Variants in SLC5A9 observed in about 807,000 individuals in gnomAD.
SLC5A9 encodes sodium/glucose cotransporter 4.
Under a neutral mutation model 70.9 loss-of-function variants are expected in SLC5A9, and 59 were observed. That is an observed-to-expected ratio of 0.83 (90% confidence interval 0.68 to 1.03). The LOEUF (loss-of-function observed/expected upper bound fraction) is 1.03, where lower values mean the gene tolerates loss of function less well. SLC5A9 is among the 50% of genes least tolerant of loss of function. The pLI is 0.00. For missense variants in SLC5A9, 832 were observed against 881.1 expected, an observed-to-expected ratio of 0.94 and a Z score of 0.71; for synonymous variants, 340 against 346.5, an observed-to-expected ratio of 0.98 and a Z score of 0.21.
At chr1:48,224,677 G>T in intron 1 of SLC5A9, 47 bp from the exon 2 acceptor site, 1 of 1,592,658 alleles carries the variant, frequency 6.3e-7, no homozygotes, top group Non-Finnish European at 8.6e-7. Flanking sequence ...CAGGGCAGAG[G>T]TTCAGAGAGT....
Position 48,237,864 on chromosome 1 carries a change from T to C in SLC5A9, c.1461+17T>C. 6.2e-7 allele frequency: 1 copy of C among 1,613,330 alleles called. No individual in the cohort carries two copies. Among genetic ancestry groups the C allele is most frequent in the South Asian group, 1.1e-5 (1 of 90,956 alleles). Reference sequence around the variant, plus strand: ...ACAGAGCCCGTGAGTGCAGTGTACCTGTCTCTCACATACAGCAGAGGGGCT... The same window carrying C: ...ACAGAGCCCGTGAGTGCAGTGTACCCGTCTCTCACATACAGCAGAGGGGCT... On this transcript the variant is annotated intron_variant, in intron 11 of 13. Transcript: ENST00000438567.
chr1:48,230,781 A>G, intron 5 of SLC5A9, 76 bp downstream of exon 5: 1 of 1,095,880 alleles, frequency 9.1e-7, no homozygotes, highest in Non-Finnish European at 1.4e-6. Flanking sequence ...AGGAGAGACA[A>G]CCAGAGAGAG....
At chr1:48,231,405 G>A (rs983575397) in intron 5 of SLC5A9, 140 bp from the exon 6 acceptor site, 3 of 1,043,438 alleles carry the variant, frequency 2.9e-6, no homozygotes, top group Non-Finnish European at 4.1e-6. Flanking sequence ...TAGGTGCGGA[G>A]AAAGGCAGTG....
chr1:48,233,188 C>T (rs1009684566), intron 8 of SLC5A9, among the ~76,000 whole-genome samples: 1 of 151,630 alleles, frequency 6.6e-6, no homozygotes, highest in African/African-American at 2.4e-5. Context: ...TGGTAAAACC[C>T]CGTCTCTACT....
rs756117312 is a variant in SLC5A9 at position 48,244,878 on chromosome 1, GTATATATATATA to G, written c.1837+2283_1837+2294del. Reference sequence around the variant, plus strand: ...TGTGTGTGTGTATGTATGTGTATGTGTATATATATATATATATATATATATATATATAAAACC... The same window carrying G: ...TGTGTGTGTGTATGTATGTGTATGTGTATATATATATATATATATAAAACC... On this transcript the variant is annotated intron_variant, in intron 13 of 13. Transcript: ENST00000438567. 8.3e-3 allele frequency among the ~76,000 whole-genome samples: 243 copies of G among 29,402 alleles called. 59 individuals are homozygous for G. In the East Asian group the frequency reaches 0.12, roughly 15 times the overall value. The allele number at this position is 29,402 out of a possible 152,430, so 19.3% of individuals were successfully genotyped here. A position where few individuals can be genotyped will look rare whatever the true frequency, so the allele number is the denominator to read the frequency against.
In SLC5A9 at chr1:48,237,847, C is replaced by G; in HGVS notation, c.1461C>G (p.Pro487=). ...LAIFCKRVTE[P]GAFWGLVFGL... Reference sequence around the variant, plus strand: ...TCTTCTGCAAGAGGGTCACAGAGCCCGTGAGTGCAGTGTACCTGTCTCTCA... The same window carrying G: ...TCTTCTGCAAGAGGGTCACAGAGCCGGTGAGTGCAGTGTACCTGTCTCTCA... The change falls in exon 11 of 14, where the codon CCC becomes CCG. Residue 487 remains proline (P), a splice_region_variant and synonymous_variant. Transcript: ENST00000438567. 2 of 1,613,964 alleles carry G rather than the reference C, an allele frequency of 1.2e-6. No individual in the cohort carries two copies. The highest frequency in any genetic ancestry group is 1.7e-6 in the Non-Finnish European group (2 of 1,179,950).
At chr1:48,232,697 A>G (rs2148574507) in intron 8 of SLC5A9, among the ~76,000 whole-genome samples, 195 bp downstream of exon 8, 1 of 152,160 alleles carries the variant, frequency 6.6e-6, no homozygotes, top group East Asian at 1.9e-4. Context: ...TCCTGAGTCC[A>G]GGAGCTTGAG....
At chr1:48,238,473 C>T (rs961267744) in intron 11 of SLC5A9, 4 of 152,282 alleles carry the variant, frequency 2.6e-5, no homozygotes, top group African/African-American at 9.7e-5. Context: ...AGCGGTACCC[C>T]AGGGCTGGAG....
In SLC5A9 at chr1:48,235,779, C is replaced by T; in HGVS notation, c.1192C>T (p.Leu398Phe). The T allele has an allele frequency of 6.2e-7, 1 of 1,614,230 alleles. No individual in the cohort carries two copies. The highest frequency in any genetic ancestry group is 8.5e-7 in the Non-Finnish European group (1 of 1,180,036). ...AVIMAALMSS[L>F]TSIFNSSSTL... ...GATCATGGCCGCTCTCATGAGCTCA[C>T]TCACCTCCATCTTCAACAGCAGCAG... The change falls in exon 10 of 14, where the codon CTC becomes TTC. Residue 398 changes from leucine to phenylalanine, a missense_variant. Transcript: ENST00000438567.
intron 12 of SLC5A9, 195 bp from the exon 13 acceptor site, chr1:48,242,262 T>C: frequency 1.6e-6 from 1 of 617,490 alleles, no homozygotes; most frequent in South Asian, 1.9e-5. Flanking sequence ...GAGCACCTGG[T>C]GTAGAGCAGG....
intron 13 of SLC5A9, among the ~76,000 whole-genome samples, chr1:48,244,719 T>C (rs1377845093): frequency 7.3e-6 from 1 of 136,998 alleles, no homozygotes; most frequent in Non-Finnish European, 1.5e-5. Context: ...CAAATATATA[T>C]ATATATAAAA....
intron 12 of SLC5A9, among the ~76,000 whole-genome samples, chr1:48,241,748 A>G (rs539256761): frequency 3.5e-5 from 5 of 144,616 alleles, no homozygotes; most frequent in Admixed American, 2.7e-4. Context: ...CTTTCTCTCT[A>G]TCTCTATCCC....
intron 13 of SLC5A9, among the ~76,000 whole-genome samples, chr1:48,244,122 AT>A (rs201001441): frequency 2.0e-5 from 3 of 152,180 alleles, no homozygotes; most frequent in Non-Finnish European, 2.9e-5. Flanking sequence ...AATCATTAAG[AT>A]TTTTTTTAAA....
intron 13 of SLC5A9, among the ~76,000 whole-genome samples, chr1:48,246,524 T>TA: frequency 6.6e-6 from 1 of 152,318 alleles, no homozygotes; most frequent in Non-Finnish European, 1.5e-5. Context: ...TGCTGATTTT[T>TA]AAAAAACTTA....
rs576956394 is a variant in SLC5A9 at position 48,230,586 on chromosome 1, C to T, written c.505-14C>T. On this transcript the variant is annotated splice_polypyrimidine_tract_variant and intron_variant, in intron 4 of 13. Transcript: ENST00000438567. ...CTCGGGTGGTCTGGCCTCTTGGGTC[C>T]TGGCTCTCTGCAGACTGACATCTTC... 6.2e-7 allele frequency: 1 copy of T among 1,610,616 alleles called. No individual in the cohort carries two copies. Among genetic ancestry groups the T allele is most frequent in the East Asian group, 2.2e-5 (1 of 44,828 alleles).
chr1:48,224,495 C>T lies in SLC5A9; in HGVS notation c.163-229C>T, dbSNP rs1016286777. The stretch of plus-strand genomic sequence containing the variant: ...GACATCCGTTACCTCCTTTGCTCTT[C>T]GCACTGGCCCTGGGAGATGAATGGC... On this transcript the variant is annotated intron_variant, in intron 1 of 13. Coordinates refer to ENST00000438567, the MANE Select transcript of SLC5A9 (RefSeq NM_001011547.3). Among the ~76,000 whole-genome samples, 6 of 152,216 alleles carry T rather than the reference C, an allele frequency of 3.9e-5. No individual in the cohort carries two copies. In the East Asian group the frequency reaches 9.6e-4, roughly 24 times the overall value.
At chr1:48,233,010 C>T (rs1178429791) in intron 8 of SLC5A9, among the ~76,000 whole-genome samples, 41 of 88,026 alleles carry the variant, frequency 4.7e-4, no homozygotes, top group Non-Finnish European at 7.0e-4. Flanking sequence ...AAGGAAGGAA[C>T]GAAGAGAGGG....
chr1:48,231,500 C>A, intron 5 of SLC5A9, 45 bp from the exon 6 acceptor site: 1 of 1,609,526 alleles, frequency 6.2e-7, no homozygotes, highest in Non-Finnish European at 8.5e-7. Flanking sequence ...CCAGAGAGGA[C>A]CCCAAACTGG....
At chr1:48,227,037 TGTG>T (rs1414988975) in intron 2 of SLC5A9, among the ~76,000 whole-genome samples, 5 of 151,410 alleles carry the variant, frequency 3.3e-5, no homozygotes, top group African/African-American at 9.8e-5. Flanking sequence ...TGAGTGTGCT[TGTG>T]TGTGTGTGCT....
Sources: allele counts gnomAD v4.1 joint callset (sites outside exome capture counted in the v4.1 genomes callset), GRCh38; gene constraint gnomAD v4.1.1; transcripts MANE v1.5; gene names NCBI Gene and HGNC (gene_info 2026-07-23, HGNC 2026-07-21).